The following NME9 variants were observed in gnomAD, a reference collection of about 807,000 sequenced individuals.
The protein encoded by NME9 is NME/NM23 family member 9, also known as thioredoxin domain-containing protein 6.
In NME9, 48 loss-of-function variants were observed where a neutral mutation model predicts 44.4. The ratio of observed to expected loss-of-function variants is 1.08; its 90% CI spans 0.86 to 1.37. The LOEUF (loss-of-function observed/expected upper bound fraction) is 1.37. Ranked by LOEUF, NME9 falls within the 40% of genes most tolerant of loss-of-function variation. The pLI is 0.00. For missense variants in NME9, 325 were observed against 405.2 expected (o/e 0.80, Z 1.70); for synonymous variants, 139 against 147.1 (o/e 0.94, Z 0.40).
At chr3:138,319,257 C>G (rs11714091) in intron 3 of NME9, among the ~76,000 whole-genome samples, 4,642 of 152,144 alleles carry the variant, frequency 0.031, 109 homozygotes, top group Non-Finnish European at 0.044. Flanking sequence ...GCACCAAGAA[C>G]TGCTCAAGCC....
Position 138,304,864 on chromosome 3 carries a change from T to G in NME9, c.791+9A>C. ...AGATGGATGAAAGGACCACAGCTGG[T>G]GACATCACCTTTCTGGCTGCTCCCT... On this transcript the variant is annotated intron_variant, in intron 9 of 10. Transcript: ENST00000333911. The G allele has an allele frequency of 6.2e-7, 1 of 1,613,088 alleles. No homozygotes were observed. The highest frequency in any genetic ancestry group is 2.2e-5 in the East Asian group (1 of 44,878).
At chr3:138,308,592 C>T (rs1192418295) in intron 6 of NME9, among the ~76,000 whole-genome samples, 1 of 152,152 alleles carries the variant, frequency 6.6e-6, no homozygotes, top group Non-Finnish European at 1.5e-5. Flanking sequence ...AAAAAAGAAG[C>T]TTGAGCTTTT....
At position 138,311,118 on chromosome 3, in the gene NME9, T is replaced by C. The variant is rs561948171; in HGVS notation, c.460+3214A>G. ...CATTAGACACTGTTATGAACAACTA[T>C]ACACCAACAAATTTGAAAACCTAAA... is the stretch of plus-strand genomic sequence containing the variant. On this transcript the variant is annotated intron_variant, in intron 6 of 10. Transcript: ENST00000333911. Among the ~76,000 whole-genome samples, 262 of 152,254 alleles carry C rather than the reference T, an allele frequency of 1.7e-3. 1 individual carries two copies. The highest frequency in any genetic ancestry group is 5.9e-3 in the African/African-American group (245 of 41,560).
At chr3:138,291,984 G>A (rs376963074) in intron 8 of NME9, among the ~76,000 whole-genome samples, 1 of 152,210 alleles carries the variant, frequency 6.6e-6, no homozygotes, top group East Asian at 1.9e-4. Context: ...GTTAAGGAGA[G>A]GAGACATTAT....
chr3:138,320,964 G>A (rs2053430478), intron 2 of NME9, among the ~76,000 whole-genome samples: 1 of 152,190 alleles, frequency 6.6e-6, no homozygotes, highest in Non-Finnish European at 1.5e-5. Flanking sequence ...ATCCAGAATT[G>A]TAAGAAATAA....
Position 138,306,423 on chromosome 3 carries a change from C to G in NME9, c.518G>C (p.Gly173Ala), listed in dbSNP as rs775363018. 7.0e-5 allele frequency: 113 copies of G among 1,613,240 alleles called. No individual in the cohort carries two copies. Among genetic ancestry groups the G allele is most frequent in the Non-Finnish European group, 9.4e-5 (111 of 1,179,304 alleles). ...CTTCATGATAATCTCATCAGTCTTT[C>G]CATGGGCCACTGCATCTGGTTTAAT... ...AIIKPDAVAH[G>A]KTDEIIMKIQ... The change falls in exon 7 of 11, where the codon GGA (glycine) becomes GCA (alanine). Residue 173 changes from glycine to alanine, a missense_variant. Physicochemically the swap from Gly to Ala is moderately conservative, Grantham distance 60. Transcript: ENST00000333911.
intron 8 of NME9, among the ~76,000 whole-genome samples, chr3:138,278,397 G>A (rs6791368): frequency 0.059 from 9,036 of 151,926 alleles, 856 homozygotes; most frequent in African/African-American, 0.2. Context: ...CCAGCTACTC[G>A]GGAGGCTGAG....
At chr3:138,294,734 G>T (rs746832672) in intron 8 of NME9, among the ~76,000 whole-genome samples, 7 of 151,992 alleles carry the variant, frequency 4.6e-5, no homozygotes, top group Non-Finnish European at 1.0e-4. Flanking sequence ...TAACTCCCAC[G>T]ATTACAGCCT....
intron 6 of NME9, among the ~76,000 whole-genome samples, chr3:138,310,856 G>A (rs899814739): frequency 4.6e-4 from 70 of 151,810 alleles, no homozygotes; most frequent in African/African-American, 1.4e-3. Context: ...ACCCAAATGC[G>A]CTAAAAAAGC....
intron 6 of NME9, among the ~76,000 whole-genome samples, chr3:138,310,193 A>C (rs543845023): frequency 6.6e-6 from 1 of 152,102 alleles, no homozygotes; most frequent in Non-Finnish European, 1.5e-5. Context: ...ATAATGATAA[A>C]GGAGTCAGTT....
At chr3:138,291,327 C>A (rs1268202597) in intron 8 of NME9, among the ~76,000 whole-genome samples, 1 of 152,232 alleles carries the variant, frequency 6.6e-6, no homozygotes, top group East Asian at 1.9e-4. Context: ...ACCATGTACA[C>A]CCCATACTGC....
Position 138,329,627 on chromosome 3 carries a change from G to A in NME9, c.-292C>T, listed in dbSNP as rs1006555418. 9.3e-6 allele frequency: 12 copies of A among 1,290,856 alleles called. No individual in the cohort carries two copies. The highest frequency in any genetic ancestry group is 3.1e-5 in the African/African-American group (2 of 64,848). 80.0% of individuals were successfully genotyped at this position (1,290,856 alleles called of 1,614,324 possible). The stretch of plus-strand genomic sequence containing the variant: ...TCCCCACCCCGGAGCCGGCCAGGGG[G>A]CGCGCGCAGAGGCCGGAGTCAGTGC... On this transcript the variant is annotated 5_prime_UTR_variant, in exon 1 of 11. Transcript: ENST00000333911.
chr3:138,275,403 CA>C (rs1332641286), intron 8 of NME9, among the ~76,000 whole-genome samples: 14 of 152,038 alleles, frequency 9.2e-5, no homozygotes, highest in East Asian at 5.8e-4. Context: ...TAAAAAAATA[CA>C]AAAAATTAGC....
chr3:138,288,618 G>A (rs1032683421), intron 8 of NME9, among the ~76,000 whole-genome samples: 1 of 148,694 alleles, frequency 6.7e-6, no homozygotes, highest in Admixed American at 6.7e-5. Context: ...ATTTGAGTTT[G>A]AGGACTCTTC....
intron 1 of NME9, among the ~76,000 whole-genome samples, chr3:138,327,553 G>A (rs1032995359): frequency 3.9e-5 from 6 of 152,152 alleles, no homozygotes; most frequent in African/African-American, 1.2e-4. Context: ...GAATGAATAG[G>A]GAATGTGTGG....
At chr3:138,284,929 C>G (rs1156308323) in intron 8 of NME9, among the ~76,000 whole-genome samples, 1 of 152,236 alleles carries the variant, frequency 6.6e-6, no homozygotes, top group African/African-American at 2.4e-5. Context: ...AATCTGCTAC[C>G]TACTGCCATG....
chr3:138,318,837 C>A (rs976862207), intron 3 of NME9, among the ~76,000 whole-genome samples: 1 of 152,134 alleles, frequency 6.6e-6, no homozygotes. Flanking sequence ...CTTTATGGTG[C>A]AGAGGATGGA....
At chr3:138,312,798 A>T (rs1433630417) in intron 6 of NME9, among the ~76,000 whole-genome samples, 10 of 152,222 alleles carry the variant, frequency 6.6e-5, no homozygotes, top group Admixed American at 6.5e-4. Context: ...CAAAGGACAC[A>T]ATCAACAAAG....
chr3:138,328,035 C>A (rs951246806), intron 1 of NME9, among the ~76,000 whole-genome samples: 2 of 152,104 alleles, frequency 1.3e-5, no homozygotes, highest in African/African-American at 2.4e-5. Context: ...CTCCTGTCTA[C>A]GTAAAGGATA....
Sources: allele counts gnomAD v4.1 joint callset (sites outside exome capture counted in the v4.1 genomes callset), GRCh38; gene constraint gnomAD v4.1.1; transcripts MANE v1.5; gene names NCBI Gene and HGNC (gene_info 2026-07-23, HGNC 2026-07-21).